The following RABGAP1 variants were observed in gnomAD, a reference collection of about 807,000 sequenced individuals.
RABGAP1 encodes RAB GTPase activating protein 1.
Under a neutral mutation model 137.6 loss-of-function variants are expected in RABGAP1, and 23 were observed. The observed-to-expected ratio is 0.17, with a 90% confidence interval of 0.12 to 0.24. The LOEUF is 0.24. Ranked by LOEUF, RABGAP1 falls within the 10% of genes least tolerant of loss-of-function variation. The pLI is 1.00. For synonymous variants in RABGAP1, 451 were observed against 450.7 expected, an observed-to-expected ratio of 1.00 and a Z score of -0.01; for missense variants, 906 against 1,275.8, an observed-to-expected ratio of 0.71 and a Z score of 4.42.
chr9:122,959,781 C>T lies in RABGAP1; in HGVS notation c.150+2572C>T, dbSNP rs143341596. On this transcript the variant is annotated intron_variant, in intron 2 of 25. Coordinates refer to ENST00000373647, the MANE Select transcript of RABGAP1 (RefSeq NM_012197.4). ...GCAGGAGCAAGATATCATTATTTCT[C>T]ATCCTGCTTCCCCATGCCTGTTTCT... is the stretch of plus-strand genomic sequence containing the variant. Among the ~76,000 whole-genome samples, 20 of 152,294 alleles carry T rather than the reference C, an allele frequency of 1.3e-4. No individual in the cohort carries two copies. The East Asian group carries it at 3.9e-3, about 29-fold the overall frequency.
chr9:122,975,065 A>G (rs894781701), intron 2 of RABGAP1, among the ~76,000 whole-genome samples: 2 of 152,202 alleles, frequency 1.3e-5, no homozygotes, highest in African/African-American at 4.8e-5. Context: ...CAGCTTTTAC[A>G]CTGAAGCTCA....
At chr9:123,046,521 G>GCA (rs1351810007) in intron 13 of RABGAP1, among the ~76,000 whole-genome samples, 1 of 152,124 alleles carries the variant, frequency 6.6e-6, no homozygotes, top group Admixed American at 6.6e-5. Context: ...CTAGCTGTGA[G>GCA]ACCTGGGGCA....
At chr9:122,934,635 T>G in the RABGAP1 span, among the ~76,000 whole-genome samples, 5 of 151,928 alleles carry the variant, frequency 3.3e-5, no homozygotes, top group African/African-American at 1.2e-4. Flanking sequence ...TCAAAGTAGC[T>G]GGGACTACAG....
chr9:123,084,469 A>C (rs1049289645), intron 19 of RABGAP1, among the ~76,000 whole-genome samples: 1 of 152,152 alleles, frequency 6.6e-6, no homozygotes, highest in African/African-American at 2.4e-5. Context: ...AGAGCTACTA[A>C]TGTTCAACCT....
intron 12 of RABGAP1, 50 bp downstream of exon 12, chr9:123,015,686 G>A (rs2031172911): frequency 1.5e-6 from 2 of 1,314,254 alleles, no homozygotes; most frequent in Admixed American, 1.9e-5. Flanking sequence ...CATTTTATGG[G>A]TAGAGAATCT....
At chr9:122,994,868 G>A (rs1453145229) in intron 6 of RABGAP1, among the ~76,000 whole-genome samples, 3 of 152,188 alleles carry the variant, frequency 2.0e-5, no homozygotes, top group Admixed American at 2.0e-4. Context: ...TGTAATCCCA[G>A]CACTTGGGGA....
intron 4 of RABGAP1, 38 bp downstream of exon 4, chr9:122,986,457 C>A: frequency 1.3e-6 from 2 of 1,578,234 alleles, no homozygotes; most frequent in Non-Finnish European, 1.7e-6. Context: ...ATATTTACAT[C>A]AGATCTCTGA....
upstream of RABGAP1, among the ~76,000 whole-genome samples, chr9:122,937,250 G>A (rs933792091): frequency 1.3e-5 from 2 of 152,232 alleles, no homozygotes; most frequent in Non-Finnish European, 2.9e-5. Flanking sequence ...AGCCAAGATA[G>A]ATGTCTGAGT....
At chr9:123,100,815 A>G (rs1238272467) in intron 24 of RABGAP1, among the ~76,000 whole-genome samples, 7 of 152,354 alleles carry the variant, frequency 4.6e-5, no homozygotes, top group Non-Finnish European at 8.8e-5. Flanking sequence ...AAGGGAAAAA[A>G]GCCCTTATGA....
intron 2 of RABGAP1, among the ~76,000 whole-genome samples, chr9:122,968,585 C>T: frequency 6.6e-6 from 1 of 151,914 alleles, no homozygotes; most frequent in East Asian, 1.9e-4. Flanking sequence ...CACAGTTATA[C>T]TCTTTTACTT....
chr9:122,956,079 A>T (rs894722849), intron 1 of RABGAP1, among the ~76,000 whole-genome samples: 2 of 152,188 alleles, frequency 1.3e-5, no homozygotes, highest in African/African-American at 4.8e-5. Flanking sequence ...ACACATATTT[A>T]TACTTTTTGC....
intron 6 of RABGAP1, among the ~76,000 whole-genome samples, chr9:122,995,731 G>A (rs2131811741): frequency 6.6e-6 from 1 of 152,092 alleles, no homozygotes; most frequent in East Asian, 1.9e-4. Flanking sequence ...ATCACACCCA[G>A]CTAATTTTTG....
chr9:123,057,545 C>A (rs2033779441), intron 13 of RABGAP1, among the ~76,000 whole-genome samples: 1 of 151,248 alleles, frequency 6.6e-6, no homozygotes, highest in South Asian at 2.1e-4. Context: ...GGCGGCCGGG[C>A]AGAGACGCTC....
intron 15 of RABGAP1, among the ~76,000 whole-genome samples, chr9:123,071,723 T>C (rs578089821): frequency 6.6e-6 from 1 of 152,368 alleles, no homozygotes. Flanking sequence ...TGATAAGGGA[T>C]ATCATTTTCT....
upstream of RABGAP1, chr9:122,940,291 A>C (rs1833479329): frequency 6.6e-6 from 1 of 152,196 alleles, no homozygotes; most frequent in Non-Finnish European, 1.5e-5. Context: ...TTCACCTTTG[A>C]ATGATTTTTA....
intron 13 of RABGAP1, among the ~76,000 whole-genome samples, chr9:123,056,394 G>A (rs1292688219): frequency 1.3e-5 from 2 of 152,022 alleles, no homozygotes; most frequent in African/African-American, 4.8e-5. Context: ...GTATCAATGT[G>A]GTTTGTAAGT....
At chr9:123,062,605 G>A (rs1426624109) in intron 13 of RABGAP1, 1 of 152,138 alleles carries the variant, frequency 6.6e-6, no homozygotes, top group Non-Finnish European at 1.5e-5. Context: ...CAAAAATTGA[G>A]TGTGAATTTT....
At chr9:123,083,571 C>T (rs1056663412) in intron 19 of RABGAP1, among the ~76,000 whole-genome samples, 4 of 152,214 alleles carry the variant, frequency 2.6e-5, no homozygotes, top group African/African-American at 9.7e-5. Context: ...GAAAAACACT[C>T]TGGTGGTAGA....
chr9:122,941,196 C>T (rs1193223264), intron 1 of RABGAP1, 103 bp downstream of exon 1: 1 of 152,322 alleles, frequency 6.6e-6, no homozygotes. Flanking sequence ...CTTCTCATCC[C>T]GCGGGGTCGG....
Sources: gnomAD v4.1 joint callset for allele counts (sites outside exome capture counted in the v4.1 genomes callset) on GRCh38, gnomAD v4.1.1 for gene constraint, MANE v1.5 for transcripts, NCBI Gene and HGNC (gene_info 2026-07-23, HGNC 2026-07-21) for gene names.